MYL9: variants seen among roughly 807,000 people sequenced by gnomAD.
MYL9 encodes myosin regulatory light polypeptide 9.
Under a neutral mutation model 12.8 loss-of-function variants are expected in MYL9, and 7 were observed. The observed-to-expected ratio is 0.55, with a 90% CI of 0.31 to 1.03. MYL9 has a LOEUF of 1.03. Among genes scored for constraint, MYL9 ranks in the 50% least tolerant of loss-of-function variants. MYL9 has a pLI of 0.05. For synonymous variants in MYL9, 81 were observed against 87.8 expected, an observed-to-expected ratio of 0.92 and a Z score of 0.43; for missense variants, 190 against 242.7, an observed-to-expected ratio of 0.78 and a Z score of 1.44.
chr20:36,549,461 CT>C lies in MYL9; in HGVS notation c.*213del. The C allele has an allele frequency of 1.9e-6, 1 of 526,332 alleles. No homozygotes were observed. Among genetic ancestry groups the C allele is most frequent in the Non-Finnish European group, 3.4e-6 (1 of 295,070 alleles). 32.6% of individuals were successfully genotyped at this position (526,332 alleles called of 1,614,324 possible). On this transcript the variant is annotated 3_prime_UTR_variant, in exon 4 of 4. Coordinates refer to ENST00000279022, the MANE Select transcript of MYL9 (RefSeq NM_006097.5). ...TGACCCCAGAGCCCTGGGCTATAGT[CT>C]CTGACCCCTCCAAGGAAAGACCACC...
chr20:36,548,157 C>T lies in MYL9; in HGVS notation c.310C>T (p.Arg104Cys), dbSNP rs752683922. Residue 104 changes from arginine (R) to cysteine (C), a missense_variant, in exon 3 of 4, where the codon CGC (arginine) becomes TGC (cysteine). Arg to Cys is a radical substitution (Grantham distance 180, BLOSUM62 -3). Transcript: ENST00000279022. ...LNGTDPEDVI[R>C]NAFACFDEEA... ...CGGCACGGACCCCGAGGATGTGATT[C>T]GCAACGCCTTTGCCTGCTTCGACGA... 1.9e-6 allele frequency: 3 copies of T among 1,613,704 alleles called. No individual in the cohort carries two copies. The highest frequency in any genetic ancestry group is 2.5e-6 in the Non-Finnish European group (3 of 1,179,738).
Position 36,549,342 on chromosome 20 carries a change from A to T in MYL9, c.*93A>T, listed in dbSNP as rs2038143730. The stretch of plus-strand genomic sequence containing the variant: ...AGCTCCCTGCCCATGACCCTCGCTC[A>T]GGGATCCCCCTTTGAGGGGTTAGGG... On this transcript the variant is annotated 3_prime_UTR_variant, in exon 4 of 4. Transcript: ENST00000279022. 1.7e-6 allele frequency: 2 copies of T among 1,145,828 alleles called. No homozygotes were observed. The highest frequency in any genetic ancestry group is 2.5e-5 in the Admixed American group (1 of 39,522). The allele number at this position is 1,145,828 out of a possible 1,614,324, so 71.0% of individuals were successfully genotyped here.
intron 1 of MYL9, among the ~76,000 whole-genome samples, chr20:36,541,888 G>C (rs958136103): frequency 9.9e-5 from 15 of 152,178 alleles, no homozygotes; most frequent in African/African-American, 3.6e-4. Context: ...GAGCTCCGGG[G>C]GGGGCTGGGG....
rs749062986 is a variant in MYL9 at position 36,544,896 on chromosome 20, G to A, written c.12G>A (p.Lys4=). The change falls in exon 2 of 4, where the codon AAG becomes AAA. Residue 4 remains lysine, a synonymous_variant. Coordinates refer to ENST00000279022, the MANE Select transcript of MYL9 (RefSeq NM_006097.5). ...CACCAGAAGCCAAGATGTCCAGCAA[G>A]CGGGCCAAAGCCAAGACCACCAAGA... MSS[K]RAKAKTTKKR... is the part of the protein sequence containing the mutation. 14 of 1,585,400 alleles carry A rather than the reference G, an allele frequency of 8.8e-6. No individual in the cohort carries two copies. The highest frequency in any genetic ancestry group is 3.3e-5 in the South Asian group (3 of 90,716).
chr20:36,546,272 G>A (rs1255787582), intron 2 of MYL9, among the ~76,000 whole-genome samples: 3 of 152,270 alleles, frequency 2.0e-5, no homozygotes, highest in East Asian at 1.9e-4. Flanking sequence ...CAGTTCCCGC[G>A]TACCCCTCAT....
intron 2 of MYL9, among the ~76,000 whole-genome samples, chr20:36,545,919 C>CA (rs2038094958): frequency 6.6e-6 from 1 of 152,256 alleles, no homozygotes; most frequent in African/African-American, 2.4e-5. Flanking sequence ...GACTCCGTCT[C>CA]AAAACAGAAA....
intron 2 of MYL9, among the ~76,000 whole-genome samples, chr20:36,547,726 T>C (rs2038117078): frequency 6.6e-6 from 1 of 152,190 alleles, no homozygotes; most frequent in South Asian, 2.1e-4. Flanking sequence ...GAAAGTTAAA[T>C]GCAATAAGGC....
At position 36,549,185 on chromosome 20, in the gene MYL9, G is replaced by C. The variant is rs373139219; in HGVS notation, c.455G>C (p.Gly152Ala). Residue 152 changes from glycine to alanine, a missense_variant, in exon 4 of 4, where the codon GGC becomes GCC. Gly to Ala is a moderately conservative substitution (Grantham distance 60, BLOSUM62 0). Transcript: ENST00000279022. ...MYREAPIDKK[G>A]NFNYVEFTRI... ...CGGGAGGCACCCATTGATAAGAAAG[G>C]CAACTTCAACTACGTGGAGTTCACC... The C allele has an allele frequency of 6.2e-7, 1 of 1,613,906 alleles. No homozygotes were observed. The highest frequency in any genetic ancestry group is 1.3e-5 in the African/African-American group (1 of 74,906).
chr20:36,544,733 TG>T, intron 1 of MYL9, 125 bp from the exon 2 acceptor site: 1 of 695,818 alleles, frequency 1.4e-6, no homozygotes, highest in Non-Finnish European at 2.4e-6. Flanking sequence ...AACTGGGTGG[TG>T]GGAGCCCCAA....
intron 2 of MYL9, among the ~76,000 whole-genome samples, chr20:36,547,571 G>C (rs907494503): frequency 1.3e-5 from 2 of 152,216 alleles, no homozygotes; most frequent in Non-Finnish European, 2.9e-5. Flanking sequence ...CTGGACTTTG[G>C]AGTTAGGCTG....
intron 1 of MYL9, among the ~76,000 whole-genome samples, chr20:36,542,878 CG>C (rs1450612549): frequency 3.9e-5 from 6 of 152,156 alleles, no homozygotes; most frequent in Admixed American, 3.9e-4. Context: ...GAGTGCAGAC[CG>C]GGTGGCCATG....
rs1569529545 is a variant in MYL9 at position 36,545,063 on chromosome 20, CGCTGGGTGA to C, written c.184+2_184+10del. 12 of 1,613,832 alleles carry C rather than the reference CGCTGGGTGA, an allele frequency of 7.4e-6. No individual in the cohort carries two copies. The highest frequency in any genetic ancestry group is 1.7e-5 in the Admixed American group (1 of 59,998). ...GAGGACCTGCACGACATGCTGGCCT[CGCTGGGTGA>C]GCTGGGACAGGGACAGGGGTGAGAT... On this transcript the variant is annotated splice_donor_variant and splice_donor_region_variant and coding_sequence_variant and intron_variant, in exon 2 of 4. Transcript: ENST00000279022. LOFTEE classifies it high-confidence loss of function.
rs139049679 is a variant in MYL9 at position 36,545,225 on chromosome 20, C to T, written c.184+157C>T. Among the ~76,000 whole-genome samples, 26 of 152,270 alleles carry T rather than the reference C, an allele frequency of 1.7e-4. No individual in the cohort carries two copies. The East Asian group carries it at 3.3e-3, about 19-fold the overall frequency. ...TTCAACAGGGAAACTGGGCCGGGCG[C>T]GGTGGCTCACGCCTGTAATCCCAGC... On this transcript the variant is annotated intron_variant, in intron 2 of 3. Coordinates refer to ENST00000279022, the MANE Select transcript of MYL9 (RefSeq NM_006097.5).
chr20:36,543,792 T>C (rs1240373859), intron 1 of MYL9, among the ~76,000 whole-genome samples: 1 of 151,916 alleles, frequency 6.6e-6, no homozygotes, highest in Admixed American at 6.6e-5. Context: ...AACAGCTCCC[T>C]AGGAGAGGGG....
intron 3 of MYL9, 41 bp downstream of exon 3, chr20:36,548,234 A>G (rs1200314482): frequency 1.3e-6 from 2 of 1,569,848 alleles, no homozygotes; most frequent in South Asian, 2.4e-5. Context: ...TGCAAGTGGA[A>G]CAGGGCCCAG....
chr20:36,542,706 C>T (rs1352019221), intron 1 of MYL9, among the ~76,000 whole-genome samples: 2 of 152,176 alleles, frequency 1.3e-5, no homozygotes, highest in Non-Finnish European at 2.9e-5. Context: ...GGTGGCCCCT[C>T]CCCCTCTCAT....
At position 36,549,198 on chromosome 20, in the gene MYL9, C is replaced by A; in HGVS notation, c.468C>A (p.Tyr156Ter). The change falls in exon 4 of 4, where the codon TAC becomes TAA. Residue 156 changes from tyrosine (Y) to a stop codon, truncating the protein, a stop_gained. Coordinates refer to ENST00000279022, the MANE Select transcript of MYL9 (RefSeq NM_006097.5). LOFTEE classifies it high-confidence loss of function. ...APIDKKGNFN[Y>*]VEFTRILKHG... Reference sequence around the variant, plus strand: ...TTGATAAGAAAGGCAACTTCAACTACGTGGAGTTCACCCGCATCCTCAAAC... The same window carrying A: ...TTGATAAGAAAGGCAACTTCAACTAAGTGGAGTTCACCCGCATCCTCAAAC... 2 of 1,614,014 alleles carry A rather than the reference C, an allele frequency of 1.2e-6. No individual in the cohort carries two copies. The highest frequency in any genetic ancestry group is 1.7e-6 in the Non-Finnish European group (2 of 1,179,990).
At position 36,544,821 on chromosome 20, in the gene MYL9, G is replaced by C. The variant is rs896786851; in HGVS notation, c.-26-38G>C. The C allele has an allele frequency of 5.2e-6, 8 of 1,536,494 alleles. No individual in the cohort carries two copies. The South Asian group carries it at 9.6e-5, about 18-fold the overall frequency. On this transcript the variant is annotated intron_variant, in intron 1 of 3. Coordinates refer to ENST00000279022, the MANE Select transcript of MYL9 (RefSeq NM_006097.5). ...GGAGGCAGGAAGATTCCCTGGCCCA[G>C]AGTCACAGGGCCACCCAACCCCCAC...
chr20:36,543,253 T>A (rs542608538), intron 1 of MYL9, among the ~76,000 whole-genome samples: 2 of 152,302 alleles, frequency 1.3e-5, no homozygotes, highest in South Asian at 4.1e-4. Flanking sequence ...CACTGTCTCA[T>A]GACTACAGGC....
Sources: gnomAD v4.1 joint callset for allele counts (sites outside exome capture counted in the v4.1 genomes callset) on GRCh38, gnomAD v4.1.1 for gene constraint, MANE v1.5 for transcripts, NCBI Gene and HGNC (gene_info 2026-07-23, HGNC 2026-07-21) for gene names.